Variants in GFRAL observed in about 807,000 individuals in gnomAD.
The protein encoded by GFRAL is GDNF family receptor alpha-like.
A neutral mutation model predicts 45.4 loss-of-function variants in GFRAL; 36 were observed. That is an observed-to-expected ratio of 0.79 (90% CI 0.61 to 1.05). GFRAL has a LOEUF of 1.05. GFRAL is among the 50% of genes least tolerant of loss of function. The pLI is 0.00. For missense variants in GFRAL, 507 were observed against 467.5 expected, an observed-to-expected ratio of 1.08 and a Z score of -0.78; for synonymous variants, 166 against 154.1, an observed-to-expected ratio of 1.08 and a Z score of -0.57.
At chr6:55,394,803 A>G (rs1330899921) in intron 6 of GFRAL, among the ~76,000 whole-genome samples, 5 of 152,088 alleles carry the variant, frequency 3.3e-5, no homozygotes, top group African/African-American at 9.7e-5. Flanking sequence ...ACATTCAACA[A>G]TACTGAAAAA....
intron 5 of GFRAL, among the ~76,000 whole-genome samples, chr6:55,357,074 GT>G (rs1254789992): frequency 6.6e-6 from 1 of 151,800 alleles, no homozygotes; most frequent in East Asian, 1.9e-4. Flanking sequence ...ATGATTTCAA[GT>G]TTTTGAAAAT....
intron 5 of GFRAL, among the ~76,000 whole-genome samples, chr6:55,358,237 G>A (rs893890610): frequency 7.9e-5 from 12 of 151,840 alleles, no homozygotes; most frequent in African/African-American, 2.9e-4. Flanking sequence ...GCAATTTTCG[G>A]TGACAAACAT....
intron 6 of GFRAL, among the ~76,000 whole-genome samples, chr6:55,374,697 G>A (rs1237143277): frequency 1.3e-5 from 2 of 152,012 alleles, no homozygotes; most frequent in South Asian, 2.1e-4. Context: ...TGAAAATTTT[G>A]CCTGTGCCTA....
intron 7 of GFRAL, 47 bp downstream of exon 7, chr6:55,399,322 T>C: frequency 6.5e-7 from 1 of 1,537,846 alleles, no homozygotes. Flanking sequence ...ATTTATTTCC[T>C]CTAAAAATCC....
chr6:55,371,194 G>A (rs1052068059), intron 6 of GFRAL, among the ~76,000 whole-genome samples: 1 of 152,000 alleles, frequency 6.6e-6, no homozygotes, highest in Non-Finnish European at 1.5e-5. Context: ...TTCTAGGTAT[G>A]GCCCAAATAT....
At chr6:55,378,106 G>A (rs572071928) in intron 6 of GFRAL, among the ~76,000 whole-genome samples, 20 of 152,204 alleles carry the variant, frequency 1.3e-4, no homozygotes, top group Middle Eastern at 3.4e-3. Flanking sequence ...CGCATACAGT[G>A]TATGCATGAG....
chr6:55,387,177 C>A (rs1159595071), intron 6 of GFRAL, among the ~76,000 whole-genome samples: 1 of 152,126 alleles, frequency 6.6e-6, no homozygotes, highest in Non-Finnish European at 1.5e-5. Context: ...AAGAAAGGAG[C>A]ATTTAAGATC....
intron 6 of GFRAL, among the ~76,000 whole-genome samples, chr6:55,367,871 A>G (rs1768387446): frequency 6.6e-6 from 1 of 151,596 alleles, no homozygotes; most frequent in Non-Finnish European, 1.5e-5. Context: ...GGCTGCCCTT[A>G]ACATTTTTTC....
Position 55,399,212 on chromosome 6 carries a change from G to T in GFRAL, c.985G>T (p.Ala329Ser). The T allele has an allele frequency of 6.2e-7, 1 of 1,602,286 alleles. No individual in the cohort carries two copies. Among genetic ancestry groups the T allele is most frequent in the Non-Finnish European group, 8.5e-7 (1 of 1,171,942 alleles). The change falls in exon 7 of 9, where the codon GCA (alanine) becomes TCA (serine). Residue 329 changes from alanine to serine, a missense_variant. Ala to Ser is a moderately conservative substitution (Grantham distance 99). Transcript: ENST00000340465. Reference protein sequence around the residue: ...YPTLSNVKGMALYTRKHANKI... With the variant: ...YPTLSNVKGMSLYTRKHANKI... ...AACCCTGTCTAATGTCAAAGGCATG[G>T]CATTGTATACAAGAAAACATGCAAA...
intron 5 of GFRAL, among the ~76,000 whole-genome samples, chr6:55,352,554 C>A (rs1005656143): frequency 6.6e-6 from 1 of 152,030 alleles, no homozygotes; most frequent in African/African-American, 2.4e-5. Context: ...GCCACAGAGT[C>A]CTCTTGAGAG....
chr6:55,389,088 A>G (rs1390230525), intron 6 of GFRAL, among the ~76,000 whole-genome samples: 1 of 151,832 alleles, frequency 6.6e-6, no homozygotes, highest in Non-Finnish European at 1.5e-5. Flanking sequence ...TTTTTGTTTT[A>G]TTATTTTAAA....
intron 6 of GFRAL, among the ~76,000 whole-genome samples, chr6:55,371,758 A>T (rs1768453548): frequency 6.6e-6 from 1 of 152,210 alleles, no homozygotes; most frequent in Admixed American, 6.5e-5. Context: ...GTGATTTGTC[A>T]TGGTTCTAAT....
intron 6 of GFRAL, among the ~76,000 whole-genome samples, chr6:55,376,174 G>A (rs923893382): frequency 6.6e-6 from 1 of 151,962 alleles, no homozygotes; most frequent in South Asian, 2.1e-4. Flanking sequence ...TGACTGGGCT[G>A]TATTGAACCA....
chr6:55,383,803 G>A (rs963768716), intron 6 of GFRAL, among the ~76,000 whole-genome samples: 3 of 151,874 alleles, frequency 2.0e-5, no homozygotes, highest in African/African-American at 7.3e-5. Flanking sequence ...TTTACATTTA[G>A]GACAAGTTCC....
At chr6:55,327,829 A>T (rs566927384) in intron 1 of GFRAL, among the ~76,000 whole-genome samples, 1 of 152,164 alleles carries the variant, frequency 6.6e-6, no homozygotes, top group African/African-American at 2.4e-5. Flanking sequence ...GTTTTATTGT[A>T]TAGAATGACC....
intron 3 of GFRAL, among the ~76,000 whole-genome samples, chr6:55,342,402 G>T (rs1158626837): frequency 2.0e-5 from 3 of 151,964 alleles, no homozygotes; most frequent in African/African-American, 7.2e-5. Flanking sequence ...TTTCAAACCA[G>T]AATTTCATAT....
At chr6:55,369,992 T>G (rs921962069) in intron 6 of GFRAL, among the ~76,000 whole-genome samples, 1 of 152,176 alleles carries the variant, frequency 6.6e-6, no homozygotes, top group Admixed American at 6.6e-5. Context: ...GCCTTGGGCT[T>G]GGAACTGGAC....
rs116373186 is a variant in GFRAL at position 55,382,396 on chromosome 6, A to G, written c.953-16784A>G. On this transcript the variant is annotated intron_variant, in intron 6 of 8. Transcript: ENST00000340465. ...TTTAAAATTACTTTAAATACCATCC[A>G]ATGTAAAAATGTTGATTTATAATAA... is the stretch of plus-strand genomic sequence containing the variant. Among the ~76,000 whole-genome samples, 5 of 151,970 alleles carry G rather than the reference A, an allele frequency of 3.3e-5. No individual in the cohort carries two copies. In the South Asian group the frequency reaches 1.0e-3, roughly 31 times the overall value.
Position 55,331,886 on chromosome 6 carries a change from T to C in GFRAL, c.157+37T>C, listed in dbSNP as rs771813767. 3.2e-6 allele frequency: 5 copies of C among 1,569,560 alleles called. No homozygotes were observed. In the East Asian group the frequency reaches 6.9e-5, roughly 22 times the overall value. On this transcript the variant is annotated intron_variant, in intron 2 of 8. Coordinates refer to ENST00000340465, the MANE Select transcript of GFRAL (RefSeq NM_207410.2). The stretch of plus-strand genomic sequence containing the variant: ...GCTAAAAATACACTCAAATGATTTA[T>C]TTTTACTAAGATAAAAACAGGATTT...
Sources: gnomAD v4.1 joint callset for allele counts (sites outside exome capture counted in the v4.1 genomes callset) on GRCh38, gnomAD v4.1.1 for gene constraint, MANE v1.5 for transcripts, NCBI Gene and HGNC (gene_info 2026-07-23, HGNC 2026-07-21) for gene names.